NEK11: variants seen among roughly 807,000 people sequenced by gnomAD.
NEK11 encodes NIMA related kinase 11, also known as serine/threonine-protein kinase Nek11.
NEK11 carries 72 observed loss-of-function variants against 80.7 expected under a neutral mutation model. The observed-to-expected ratio is 0.89, with a 90% CI of 0.74 to 1.08. The LOEUF (loss-of-function observed/expected upper bound fraction) is 1.08. Ranked by LOEUF, NEK11 falls within the 50% of genes least tolerant of loss-of-function variation. NEK11 has a pLI of 0.00. For missense variants in NEK11, 764 were observed against 763.6 expected, an observed-to-expected ratio of 1.00 and a Z score of -0.01; for synonymous variants, 251 against 260.7, an observed-to-expected ratio of 0.96 and a Z score of 0.36.
intron 17 of NEK11, among the ~76,000 whole-genome samples, chr3:131,326,500 T>A (rs551738678): frequency 9.2e-5 from 14 of 152,344 alleles, no homozygotes; most frequent in Admixed American, 3.3e-4. Context: ...CATTTAGGAA[T>A]GCCCTTCTCC....
chr3:131,098,129 C>T (rs2077749093), intron 4 of NEK11, among the ~76,000 whole-genome samples: 2 of 151,856 alleles, frequency 1.3e-5, no homozygotes, highest in African/African-American at 4.8e-5. Context: ...TGGATCCCTT[C>T]CTTACACCTT....
intron 17 of NEK11, among the ~76,000 whole-genome samples, chr3:131,339,203 C>A (rs1456475065): frequency 6.6e-6 from 1 of 152,160 alleles, no homozygotes; most frequent in Non-Finnish European, 1.5e-5. Flanking sequence ...AAATTCATGA[C>A]TCACAAAGTG....
At chr3:131,227,719 G>T (rs1396866087) in intron 14 of NEK11, among the ~76,000 whole-genome samples, 1 of 152,064 alleles carries the variant, frequency 6.6e-6, no homozygotes, top group African/African-American at 2.4e-5. Context: ...CAGCCCAAGG[G>T]TAGTTGTTTG....
rs532288074 is a variant in NEK11, at chr3:131,215,007, T to C, written c.1400-13521T>C. On this transcript the variant is annotated intron_variant, in intron 14 of 17. Transcript: ENST00000383366. ...AGGTCACGGTACTAACCCTGTAGTT[T>C]ATTGTGTGAGGAAAGAAAGCATCAT... Among the ~76,000 whole-genome samples the C allele has an allele frequency of 1.4e-4, 22 of 152,214 alleles. No individual in the cohort carries two copies. The East Asian group carries it at 4.2e-3, about 29-fold the overall frequency.
chr3:131,248,830 G>T (rs1445507702), intron 16 of NEK11, among the ~76,000 whole-genome samples: 2 of 152,090 alleles, frequency 1.3e-5, no homozygotes, highest in African/African-American at 4.8e-5. Context: ...ATTTTTAGGA[G>T]AAATTAGATG....
At chr3:131,245,693 T>C (rs929099484) in intron 16 of NEK11, among the ~76,000 whole-genome samples, 47 of 152,142 alleles carry the variant, frequency 3.1e-4, no homozygotes, top group African/African-American at 1.1e-3. Context: ...TGATGATTAG[T>C]GATGTTGAAC....
rs370388371 is a variant in NEK11 at position 131,063,412 on chromosome 3, C to A, written c.171-17011C>A. On this transcript the variant is annotated intron_variant, in intron 3 of 17. Coordinates refer to ENST00000383366, the MANE Select transcript of NEK11 (RefSeq NM_024800.5). ...AGCAGAGTATTTTTCATTCCAGGACCATCTTCTCTATGCCCTGAATTCTGA... is the reference window on the plus strand; with the variant it reads ...AGCAGAGTATTTTTCATTCCAGGACAATCTTCTCTATGCCCTGAATTCTGA... Among the ~76,000 whole-genome samples the A allele has an allele frequency of 3.0e-4, 45 of 152,284 alleles. 3 individuals carry two copies. The highest frequency in any genetic ancestry group is 2.0e-3 in the Admixed American group (30 of 15,288).
intron 15 of NEK11, among the ~76,000 whole-genome samples, chr3:131,231,306 G>A (rs1158057650): frequency 6.6e-6 from 1 of 150,526 alleles, no homozygotes; most frequent in Non-Finnish European, 1.5e-5. Context: ...GTTTCTGAGA[G>A]AGGTGTAGCC....
chr3:131,310,986 T>C (rs910429202), intron 17 of NEK11, among the ~76,000 whole-genome samples: 9 of 152,208 alleles, frequency 5.9e-5, no homozygotes, highest in African/African-American at 2.2e-4. Flanking sequence ...TTGACCCTGA[T>C]AGCTATTTTC....
At chr3:131,298,374 C>A (rs963912317) in intron 17 of NEK11, among the ~76,000 whole-genome samples, 8 of 151,306 alleles carry the variant, frequency 5.3e-5, no homozygotes, top group Admixed American at 4.6e-4. Flanking sequence ...TTGAAGAGGT[C>A]CTTCACGTCC....
At chr3:131,142,555 A>G (rs1013178487) in intron 7 of NEK11, among the ~76,000 whole-genome samples, 8 of 152,206 alleles carry the variant, frequency 5.3e-5, no homozygotes, top group African/African-American at 1.9e-4. Flanking sequence ...TTCGGTCTTA[A>G]TAGAGTGGCT....
chr3:131,256,155 C>A (rs72991538), intron 16 of NEK11, among the ~76,000 whole-genome samples: 7,695 of 152,076 alleles, frequency 0.051, 551 homozygotes, highest in African/African-American at 0.16. Context: ...AGTTGGGTGA[C>A]CGTGGTTAGC....
At chr3:131,324,214 G>A (rs140628185) in intron 17 of NEK11, among the ~76,000 whole-genome samples, 98 of 152,282 alleles carry the variant, frequency 6.4e-4, no homozygotes, top group African/African-American at 2.0e-3. Context: ...ATTAAGGGTC[G>A]GGGGATTCTT....
intron 17 of NEK11, among the ~76,000 whole-genome samples, chr3:131,318,906 C>A: frequency 6.6e-6 from 1 of 151,810 alleles, no homozygotes; most frequent in Non-Finnish European, 1.5e-5. Flanking sequence ...ACATTAATAT[C>A]ATTTTTTATT....
chr3:131,159,784 C>G (rs2091290077), intron 10 of NEK11, among the ~76,000 whole-genome samples: 1 of 151,678 alleles, frequency 6.6e-6, no homozygotes, highest in African/African-American at 2.4e-5. Context: ...AGAATGCAAT[C>G]TCAAGTATTA....
chr3:131,201,724 A>T (rs1161674697), intron 14 of NEK11, among the ~76,000 whole-genome samples: 2 of 151,058 alleles, frequency 1.3e-5, no homozygotes, highest in East Asian at 3.9e-4. Context: ...CCCTCCAGTC[A>T]TTTTTTTTTT....
At chr3:131,239,846 A>G (rs942705515) in intron 15 of NEK11, among the ~76,000 whole-genome samples, 2 of 152,014 alleles carry the variant, frequency 1.3e-5, no homozygotes, top group African/African-American at 4.8e-5. Flanking sequence ...TCATTCATTC[A>G]CACAGTCACA....
At chr3:131,208,060 T>A (rs564238100) in intron 14 of NEK11, among the ~76,000 whole-genome samples, 1 of 152,336 alleles carries the variant, frequency 6.6e-6, no homozygotes, top group South Asian at 2.1e-4. Flanking sequence ...TCCTGAATGG[T>A]AATGCCTAGG....
At chr3:131,173,612 G>A (rs1020280763) in intron 14 of NEK11, among the ~76,000 whole-genome samples, 2 of 151,076 alleles carry the variant, frequency 1.3e-5, no homozygotes, top group Non-Finnish European at 2.9e-5. Flanking sequence ...GTGGTGGTAG[G>A]TAGAAGCAAT....
Sources: gnomAD v4.1 joint callset for allele counts (sites outside exome capture counted in the v4.1 genomes callset) on GRCh38, gnomAD v4.1.1 for gene constraint, MANE v1.5 for transcripts, NCBI Gene and HGNC (gene_info 2026-07-23, HGNC 2026-07-21) for gene names.